PACRG: variants seen among roughly 807,000 people sequenced by gnomAD.
PACRG encodes parkin coregulated gene protein.
Under a neutral mutation model 29.7 loss-of-function variants are expected in PACRG, and 29 were observed. The observed-to-expected ratio is 0.98, with a 90% CI of 0.73 to 1.33. The LOEUF (loss-of-function observed/expected upper bound fraction) is 1.33. PACRG is among the 40% of genes most tolerant of loss of function. The probability of loss-of-function intolerance (pLI) is 0.00; values close to 1 mark genes in which losing one functional copy is unlikely to be tolerated. For synonymous variants in PACRG, 116 were observed against 118.7 expected (o/e 0.98, Z 0.15); for missense variants, 279 against 316.2 (o/e 0.88, Z 0.89).
At chr6:163,064,140 C>T (rs1811333482) in intron 3 of PACRG, among the ~76,000 whole-genome samples, 1 of 150,980 alleles carries the variant, frequency 6.6e-6, no homozygotes, top group African/African-American at 2.4e-5. Context: ...TCTCAGGGGT[C>T]TCTCCCTCAG....
intron 1 of PACRG, among the ~76,000 whole-genome samples, chr6:162,797,657 T>C (rs962063460): frequency 1.3e-5 from 2 of 152,202 alleles, no homozygotes; most frequent in African/African-American, 4.8e-5. Context: ...TTTGTTTTTT[T>C]CTCATTGTTT....
At chr6:163,294,291 TC>T (rs1429989395) in intron 4 of PACRG, among the ~76,000 whole-genome samples, 1 of 152,166 alleles carries the variant, frequency 6.6e-6, no homozygotes, top group Admixed American at 6.5e-5. Context: ...ACAAATTATG[TC>T]ATCATAATAT....
intron 4 of PACRG, chr6:163,170,528 A>C (rs982912166): frequency 1.3e-5 from 2 of 151,580 alleles, no homozygotes; most frequent in East Asian, 3.9e-4. Context: ...GACCGCCCCT[A>C]CTCTCTCAAG....
At chr6:163,194,230 C>T (rs944290176) in intron 4 of PACRG, among the ~76,000 whole-genome samples, 4 of 152,160 alleles carry the variant, frequency 2.6e-5, no homozygotes, top group Non-Finnish European at 4.4e-5. Flanking sequence ...CTCATAGACT[C>T]AGTGCTCCTT....
intron 4 of PACRG, among the ~76,000 whole-genome samples, chr6:163,091,853 T>C (rs898247181): frequency 6.6e-6 from 1 of 152,238 alleles, no homozygotes; most frequent in Non-Finnish European, 1.5e-5. Flanking sequence ...TTATATATAC[T>C]TATTTTATTT....
chr6:163,269,960 AAAGAAAGAAAGAAAGAAAG>A (rs1562350304), intron 4 of PACRG, among the ~76,000 whole-genome samples: 7 of 79,470 alleles, frequency 8.8e-5, no homozygotes, highest in Non-Finnish European at 1.5e-4. Flanking sequence ...AGAAAGAAAG[AAAGAAAGAAAGAAAGAAAG>A]AAAGAAAGAA....
chr6:162,952,688 G>C (rs1799741681), intron 2 of PACRG, among the ~76,000 whole-genome samples: 1 of 152,156 alleles, frequency 6.6e-6, no homozygotes, highest in Non-Finnish European at 1.5e-5. Context: ...AAAGGAGATA[G>C]CCCTGTTTAG....
intron 1 of PACRG, among the ~76,000 whole-genome samples, chr6:162,765,867 C>A (rs1782746394): frequency 6.6e-6 from 1 of 152,024 alleles, no homozygotes; most frequent in Non-Finnish European, 1.5e-5. Context: ...TGATTGAATT[C>A]TTTAAATGCT....
intron 2 of PACRG, among the ~76,000 whole-genome samples, chr6:162,829,279 G>C (rs1315148721): frequency 6.6e-6 from 1 of 152,230 alleles, no homozygotes; most frequent in East Asian, 1.9e-4. Context: ...CTGCAGGGAA[G>C]ACACATTCAG....
chr6:163,287,835 C>T (rs954043787), intron 4 of PACRG, among the ~76,000 whole-genome samples: 5 of 152,132 alleles, frequency 3.3e-5, no homozygotes, highest in Non-Finnish European at 4.4e-5. Context: ...GTGGCCCGAC[C>T]GTGGCCATGC....
intron 2 of PACRG, among the ~76,000 whole-genome samples, chr6:162,826,104 AAT>A (rs1370610555): frequency 6.6e-6 from 1 of 152,172 alleles, no homozygotes; most frequent in East Asian, 1.9e-4. Context: ...ATGTCAGACC[AAT>A]TCTAATACTT....
intron 2 of PACRG, among the ~76,000 whole-genome samples, chr6:162,914,095 C>A (rs956879642): frequency 6.6e-6 from 1 of 151,742 alleles, no homozygotes; most frequent in Non-Finnish European, 1.5e-5. Flanking sequence ...TCATTTTTTT[C>A]TTTTATGGTT....
chr6:163,123,302 C>T (rs902421726), intron 4 of PACRG, among the ~76,000 whole-genome samples: 1 of 151,710 alleles, frequency 6.6e-6, no homozygotes, highest in Admixed American at 6.6e-5. Flanking sequence ...GCAGCCATGA[C>T]AGCTGTGGTG....
intron 1 of PACRG, among the ~76,000 whole-genome samples, chr6:162,774,028 A>T (rs556820428): frequency 7.2e-5 from 11 of 152,244 alleles, no homozygotes; most frequent in Non-Finnish European, 1.3e-4. Flanking sequence ...TTATTCATAA[A>T]ACAATTGAAG....
At chr6:162,967,507 CT>C (rs1342761133) in intron 2 of PACRG, among the ~76,000 whole-genome samples, 1 of 150,802 alleles carries the variant, frequency 6.6e-6, no homozygotes, top group Non-Finnish European at 1.5e-5. Context: ...ATTGAACTTT[CT>C]CTTTTTTTTT....
chr6:162,736,137 C>T (rs1224934266), intron 1 of PACRG, among the ~76,000 whole-genome samples: 1 of 152,212 alleles, frequency 6.6e-6, no homozygotes, highest in East Asian at 1.9e-4. Flanking sequence ...ACACTGAACT[C>T]TCTGAGAAAT....
chr6:163,187,359 C>G (rs1469348201), intron 4 of PACRG, among the ~76,000 whole-genome samples: 1 of 152,154 alleles, frequency 6.6e-6, no homozygotes, highest in Non-Finnish European at 1.5e-5. Flanking sequence ...GTGCAAGTGG[C>G]CTGTGAAAGG....
chr6:162,957,183 TG>T, intron 2 of PACRG: 1 of 304,802 alleles, frequency 3.3e-6, no homozygotes, highest in Non-Finnish European at 6.5e-6. Context: ...GGTCCTCACC[TG>T]GAGAATGGAT....
chr6:162,793,166 A>T (rs1003170389), intron 1 of PACRG, among the ~76,000 whole-genome samples: 10 of 152,180 alleles, frequency 6.6e-5, no homozygotes, highest in Non-Finnish European at 1.3e-4. Flanking sequence ...TGCTGTGAGT[A>T]TTCACTCATT....
Sources: allele counts gnomAD v4.1 joint callset (sites outside exome capture counted in the v4.1 genomes callset), GRCh38; gene constraint gnomAD v4.1.1; transcripts MANE v1.5; gene names NCBI Gene and HGNC (gene_info 2026-07-23, HGNC 2026-07-21).